Variants in SRRM4 observed in about 807,000 individuals in gnomAD.
SRRM4 encodes the protein serine/arginine repetitive matrix 4.
SRRM4 carries 33 observed loss-of-function variants against 68.9 expected under a neutral mutation model. That is an observed-to-expected ratio of 0.48 (90% confidence interval 0.36 to 0.64). SRRM4 has a LOEUF of 0.64. SRRM4 is among the 30% of genes least tolerant of loss of function. The pLI is 0.00. For missense variants in SRRM4, 817 were observed against 827.1 expected, an observed-to-expected ratio of 0.99 and a Z score of 0.15; for synonymous variants, 318 against 318.8, an observed-to-expected ratio of 1.00 and a Z score of 0.03.
chr12:119,122,399 G>T (rs951856379), intron 6 of SRRM4, among the ~76,000 whole-genome samples: 3 of 152,112 alleles, frequency 2.0e-5, no homozygotes, highest in Admixed American at 1.3e-4. Flanking sequence ...ATGTATGAAT[G>T]CACCGGGTCG....
chr12:119,122,584 G>T (rs1954228965), intron 6 of SRRM4, among the ~76,000 whole-genome samples: 1 of 152,092 alleles, frequency 6.6e-6, no homozygotes, highest in African/African-American at 2.4e-5. Flanking sequence ...TGTACACTGT[G>T]TGTACAAATG....
At chr12:119,114,576 T>A (rs1954165678) in intron 3 of SRRM4, among the ~76,000 whole-genome samples, 1 of 151,952 alleles carries the variant, frequency 6.6e-6, no homozygotes, top group Non-Finnish European at 1.5e-5. Flanking sequence ...TGAGATTTCA[T>A]GAAAATTACA....
intron 1 of SRRM4, among the ~76,000 whole-genome samples, chr12:118,997,415 G>A (rs1460231640): frequency 2.6e-5 from 4 of 152,162 alleles, no homozygotes; most frequent in Non-Finnish European, 4.4e-5. Context: ...CTGTGGACGC[G>A]TCCATCATCC....
At chr12:119,081,193 T>C (rs778209496) in intron 1 of SRRM4, among the ~76,000 whole-genome samples, 5 of 152,060 alleles carry the variant, frequency 3.3e-5, no homozygotes, top group Non-Finnish European at 5.9e-5. Context: ...AGCACAAATA[T>C]GTAAATGATC....
intron 8 of SRRM4, among the ~76,000 whole-genome samples, chr12:119,137,691 A>G (rs190325058): frequency 5.0e-4 from 76 of 151,572 alleles, no homozygotes; most frequent in African/African-American, 1.7e-3. Flanking sequence ...GAAATAGTTC[A>G]CTTCCCCCCA....
chr12:119,120,164 T>C (rs1045457853), intron 4 of SRRM4, 86 bp from the exon 5 acceptor site: 16 of 817,730 alleles, frequency 2.0e-5, no homozygotes, highest in Non-Finnish European at 2.9e-5. Flanking sequence ...TCTCTCCCTC[T>C]CTCCATCTCT....
At chr12:119,150,960 C>A in intron 9 of SRRM4, 57 bp from the exon 10 acceptor site, 1 of 1,546,126 alleles carries the variant, frequency 6.5e-7, no homozygotes, top group South Asian at 1.1e-5. Context: ...GGTATTCAAA[C>A]AAGATGCTCC....
At chr12:119,116,782 T>C in intron 3 of SRRM4, 155 bp from the exon 4 acceptor site, 2 of 569,242 alleles carry the variant, frequency 3.5e-6, no homozygotes, top group South Asian at 5.4e-5. Context: ...TAAAAATTGC[T>C]TACAAATGCA....
intron 1 of SRRM4, among the ~76,000 whole-genome samples, chr12:119,049,465 T>C (rs1594043937): frequency 6.6e-6 from 1 of 152,214 alleles, no homozygotes; most frequent in Non-Finnish European, 1.5e-5. Context: ...GGCTTTATAA[T>C]ATGAGTGAGA....
At chr12:119,119,882 T>G (rs73408096) in intron 4 of SRRM4, among the ~76,000 whole-genome samples, 2,529 of 152,150 alleles carry the variant, frequency 0.017, 72 homozygotes, top group African/African-American at 0.058. Flanking sequence ...ACAGATTTAC[T>G]GACAGTTTTG....
chr12:119,122,476 T>A (rs1954228306), intron 6 of SRRM4, among the ~76,000 whole-genome samples: 2 of 150,364 alleles, frequency 1.3e-5, no homozygotes, highest in South Asian at 4.1e-4. Flanking sequence ...TGTGTGTGCC[T>A]GGTGTGTCCC....
intron 1 of SRRM4, among the ~76,000 whole-genome samples, chr12:119,023,028 A>T (rs1051904822): frequency 6.6e-6 from 1 of 152,020 alleles, no homozygotes; most frequent in Non-Finnish European, 1.5e-5. Context: ...CCAGAATTAT[A>T]CTCCGTACTT....
At chr12:119,031,393 A>G (rs1158606827) in intron 1 of SRRM4, 1 of 152,224 alleles carries the variant, frequency 6.6e-6, no homozygotes, top group Non-Finnish European at 1.5e-5. Flanking sequence ...GACATGATAG[A>G]CCATCACCCT....
chr12:119,094,274 T>A (rs1002398346), intron 1 of SRRM4, among the ~76,000 whole-genome samples: 1 of 152,090 alleles, frequency 6.6e-6, no homozygotes, highest in East Asian at 1.9e-4. Context: ...AAGTTCAAAC[T>A]CCTTGTAGAA....
intron 1 of SRRM4, among the ~76,000 whole-genome samples, chr12:119,095,415 T>G (rs11610201): frequency 0.041 from 6,235 of 152,246 alleles, 201 homozygotes; most frequent in East Asian, 0.096. Flanking sequence ...GTAGAACAAG[T>G]ACCTGGGCCA....
intron 1 of SRRM4, among the ~76,000 whole-genome samples, chr12:119,075,414 T>A (rs1453669846): frequency 6.6e-6 from 1 of 151,580 alleles, no homozygotes; most frequent in Non-Finnish European, 1.5e-5. Context: ...ATAATGATGG[T>A]GATGATGACA....
At chr12:119,146,887 G>A (rs979064046) in intron 9 of SRRM4, among the ~76,000 whole-genome samples, 14 of 151,624 alleles carry the variant, frequency 9.2e-5, no homozygotes, top group Middle Eastern at 6.8e-3. Flanking sequence ...AGTGAGCCGA[G>A]ATTGCGCCAG....
chr12:118,993,399 G>T (rs1006488810), intron 1 of SRRM4, among the ~76,000 whole-genome samples: 1 of 152,178 alleles, frequency 6.6e-6, no homozygotes, highest in Non-Finnish European at 1.5e-5. Flanking sequence ...TCTTTTTCCT[G>T]CATGGAGAGT....
chr12:119,147,550 T>C (rs1413859757), intron 9 of SRRM4, among the ~76,000 whole-genome samples: 1 of 152,348 alleles, frequency 6.6e-6, no homozygotes, highest in East Asian at 1.9e-4. Context: ...GGAATAAGGC[T>C]GTGCGTGTGT....
Sources: allele counts gnomAD v4.1 joint callset (sites outside exome capture counted in the v4.1 genomes callset), GRCh38; gene constraint gnomAD v4.1.1; transcripts MANE v1.5; gene names NCBI Gene and HGNC (gene_info 2026-07-23, HGNC 2026-07-21).